The following ANKRD44 variants were observed in gnomAD, a reference collection of about 807,000 sequenced individuals.
The protein encoded by ANKRD44 is ankyrin repeat domain 44.
A neutral mutation model predicts 116.0 loss-of-function variants in ANKRD44; 35 were observed. The ratio of observed to expected loss-of-function variants is 0.30; its 90% CI spans 0.23 to 0.40. The LOEUF (loss-of-function observed/expected upper bound fraction) is 0.40. Ranked by LOEUF, ANKRD44 falls within the 10% of genes least tolerant of loss-of-function variation. The pLI is 1.00. For missense variants in ANKRD44, 1,014 were observed against 1,242.6 expected (o/e 0.82, Z 2.77); for synonymous variants, 435 against 461.8 (o/e 0.94, Z 0.74).
intron 12 of ANKRD44, 108 bp downstream of exon 12, chr2:197,088,603 G>T: frequency 3.1e-6 from 2 of 637,888 alleles, no homozygotes; most frequent in South Asian, 4.0e-5. Flanking sequence ...TAGTAGAAAT[G>T]ATTCTTATTT....
At chr2:197,163,752 C>T (rs1056769200) in intron 2 of ANKRD44, among the ~76,000 whole-genome samples, 3 of 152,010 alleles carry the variant, frequency 2.0e-5, no homozygotes, top group African/African-American at 4.8e-5. Context: ...CTCAGGCTCC[C>T]GAGTAGCTGG....
chr2:197,000,346 T>C (rs1201403613), intron 23 of ANKRD44, 73 bp downstream of exon 23: 7 of 1,143,140 alleles, frequency 6.1e-6, no homozygotes, highest in Non-Finnish European at 9.2e-6. Flanking sequence ...ACATAGATGT[T>C]TGGCTACTCT....
At chr2:197,285,878 T>C (rs940577763) in intron 1 of ANKRD44, among the ~76,000 whole-genome samples, 1 of 152,238 alleles carries the variant, frequency 6.6e-6, no homozygotes, top group African/African-American at 2.4e-5. Context: ...CTGGGAACCC[T>C]CTGACAAAAT....
intron 15 of ANKRD44, among the ~76,000 whole-genome samples, chr2:197,079,938 C>T (rs1350948507): frequency 2.6e-5 from 4 of 152,146 alleles, no homozygotes. Flanking sequence ...AAACCAAATA[C>T]CCACATGTCA....
intron 1 of ANKRD44, among the ~76,000 whole-genome samples, chr2:197,193,123 A>G (rs1333118424): frequency 6.6e-6 from 1 of 152,234 alleles, no homozygotes; most frequent in Admixed American, 6.5e-5. Flanking sequence ...TTTATTACCT[A>G]ATCTTTTCCC....
At chr2:197,019,072 A>C (rs1256109950) in intron 17 of ANKRD44, among the ~76,000 whole-genome samples, 1 of 152,194 alleles carries the variant, frequency 6.6e-6, no homozygotes, top group Non-Finnish European at 1.5e-5. Flanking sequence ...TCTTGTCTCT[A>C]TGTGGAATAG....
chr2:197,104,009 A>G (rs2078367420), intron 9 of ANKRD44, among the ~76,000 whole-genome samples: 1 of 152,208 alleles, frequency 6.6e-6, no homozygotes, highest in African/African-American at 2.4e-5. Context: ...TTTACTTAGC[A>G]AGTCCCCAAT....
At chr2:197,230,623 G>A (rs549689262) in intron 1 of ANKRD44, among the ~76,000 whole-genome samples, 1 of 152,166 alleles carries the variant, frequency 6.6e-6, no homozygotes, top group African/African-American at 2.4e-5. Context: ...AAGGGAGCAG[G>A]AGAGAGTATC....
chr2:197,275,943 T>C (rs2083068953), intron 1 of ANKRD44, among the ~76,000 whole-genome samples: 1 of 152,198 alleles, frequency 6.6e-6, no homozygotes, highest in Non-Finnish European at 1.5e-5. Context: ...GGAATTTGAT[T>C]ACCCTATAAA....
chr2:197,288,453 C>T lies in ANKRD44; in HGVS notation c.27+22125G>A, dbSNP rs115495289. ...CAAAGAAAAAAACACATATAAATAA[C>T]TTCTATATGACCTAGCAATCCCACT... On this transcript the variant is annotated intron_variant, in intron 1 of 27. Coordinates refer to ENST00000282272, the MANE Select transcript of ANKRD44 (RefSeq NM_001195144.2). Among the ~76,000 whole-genome samples the T allele has an allele frequency of 8.5e-3, 1,301 of 152,234 alleles. 21 individuals are homozygous for T. The highest frequency in any genetic ancestry group is 0.029 in the African/African-American group (1,203 of 41,536).
chr2:196,973,739 T>A (rs1449153683), intron 21 of ANKRD44, among the ~76,000 whole-genome samples: 2 of 152,226 alleles, frequency 1.3e-5, no homozygotes, highest in Admixed American at 6.5e-5. Flanking sequence ...CTATTCTTAT[T>A]TGTTTACTTA....
intron 2 of ANKRD44, among the ~76,000 whole-genome samples, chr2:197,165,020 A>T (rs1042649565): frequency 6.6e-6 from 1 of 152,120 alleles, no homozygotes; most frequent in Non-Finnish European, 1.5e-5. Flanking sequence ...TAATAGAATC[A>T]TTCTCCCTAC....
intron 1 of ANKRD44, among the ~76,000 whole-genome samples, chr2:197,295,885 C>T (rs1559228858): frequency 6.6e-6 from 1 of 151,960 alleles, no homozygotes; most frequent in Non-Finnish European, 1.5e-5. Flanking sequence ...CATGGTGAAA[C>T]CCTGTCCCTA....
At chr2:197,200,955 A>C (rs1346417366) in intron 1 of ANKRD44, among the ~76,000 whole-genome samples, 2 of 152,260 alleles carry the variant, frequency 1.3e-5, no homozygotes, top group Non-Finnish European at 2.9e-5. Flanking sequence ...ATTGTTAAAT[A>C]TGATTTGAAA....
At chr2:197,184,969 A>C (rs1357771828) in intron 2 of ANKRD44, among the ~76,000 whole-genome samples, 4 of 152,238 alleles carry the variant, frequency 2.6e-5, no homozygotes, top group African/African-American at 4.8e-5. Flanking sequence ...AATGAAGGCC[A>C]TTCAGGGGCC....
At position 197,078,731 on chromosome 2, in the gene ANKRD44, G is replaced by A; in HGVS notation, c.1622C>T (p.Ala541Val). ...TTCCAGACACTGCCTGTGCCCATAGGCGGCAGCATAATGTATGCTATTGTA... is the reference window on the plus strand; with the variant it reads ...TTCCAGACACTGCCTGTGCCCATAGACGGCAGCATAATGTATGCTATTGTA... Reference protein sequence around the residue: ...EGYNSIHYAAAYGHRQCLELL... With the variant: ...EGYNSIHYAAVYGHRQCLELL... Residue 541 changes from alanine (A) to valine (V), a missense_variant, in exon 16 of 28, where the codon GCC becomes GTC. Ala to Val is a moderately conservative substitution (Grantham distance 64). Transcript: ENST00000282272. 1 of 1,612,232 alleles carries A rather than the reference G, an allele frequency of 6.2e-7. No individual in the cohort carries two copies. The highest frequency in any genetic ancestry group is 8.5e-7 in the Non-Finnish European group (1 of 1,178,914).
At chr2:197,167,557 C>T (rs916735915) in intron 2 of ANKRD44, among the ~76,000 whole-genome samples, 1 of 152,160 alleles carries the variant, frequency 6.6e-6, no homozygotes, top group African/African-American at 2.4e-5. Context: ...AAAGAAAATA[C>T]TGTGTATTGT....
rs78663317 is a variant in ANKRD44, at chr2:197,041,473, A to G, written c.1651-16206T>C. Reference sequence around the variant, plus strand: ...GCTCAAGCATCAACTATGGTCTTCAAGCCACCTCAAGACTGTATGGCCAGC... The same window carrying G: ...GCTCAAGCATCAACTATGGTCTTCAGGCCACCTCAAGACTGTATGGCCAGC... On this transcript the variant is annotated intron_variant, in intron 16 of 27. Transcript: ENST00000282272. Among the ~76,000 whole-genome samples, 497 of 152,266 alleles carry G rather than the reference A, an allele frequency of 3.3e-3. 4 individuals are homozygous for G. The highest frequency in any genetic ancestry group is 0.012 in the African/African-American group (480 of 41,546).
intron 21 of ANKRD44, among the ~76,000 whole-genome samples, chr2:197,003,994 C>T (rs906021602): frequency 3.0e-4 from 45 of 152,298 alleles, no homozygotes; most frequent in African/African-American, 1.0e-3. Flanking sequence ...CACACACACA[C>T]ACACACAAAC....
Sources: allele counts gnomAD v4.1 joint callset (sites outside exome capture counted in the v4.1 genomes callset), GRCh38; gene constraint gnomAD v4.1.1; transcripts MANE v1.5; gene names NCBI Gene and HGNC (gene_info 2026-07-23, HGNC 2026-07-21).